Variants in AUTS2 observed in about 807,000 individuals in gnomAD.
The protein encoded by AUTS2 is activator of transcription and developmental regulator AUTS2.
Under a neutral mutation model 112.4 loss-of-function variants are expected in AUTS2, and 17 were observed. That is an observed-to-expected ratio of 0.15 (90% CI 0.10 to 0.23). The LOEUF (loss-of-function observed/expected upper bound fraction) is 0.23. Among genes scored for constraint, AUTS2 ranks in the 10% least tolerant of loss-of-function variants. AUTS2 has a pLI of 1.00. For missense variants in AUTS2, 1,510 were observed against 1,701.6 expected, an observed-to-expected ratio of 0.89 and a Z score of 1.98; for synonymous variants, 751 against 702.7, an observed-to-expected ratio of 1.07 and a Z score of -1.09.
At chr7:70,343,241 G>A (rs1011708173) in intron 4 of AUTS2, among the ~76,000 whole-genome samples, 1 of 152,212 alleles carries the variant, frequency 6.6e-6, no homozygotes, top group Non-Finnish European at 1.5e-5. Flanking sequence ...AAAGGGTAAA[G>A]TTAACAACCT....
chr7:69,756,012 C>T (rs1423418555), intron 1 of AUTS2, among the ~76,000 whole-genome samples: 5 of 152,220 alleles, frequency 3.3e-5, no homozygotes, highest in African/African-American at 4.8e-5. Flanking sequence ...AACCCCCTGC[C>T]ATCTACTGCT....
At chr7:70,037,888 G>A (rs1024781755) in intron 2 of AUTS2, among the ~76,000 whole-genome samples, 1 of 151,992 alleles carries the variant, frequency 6.6e-6, no homozygotes, top group East Asian at 1.9e-4. Context: ...CCTAATAAAT[G>A]TTAGGTATTA....
At chr7:69,676,773 A>G (rs1409918297) in intron 1 of AUTS2, among the ~76,000 whole-genome samples, 3 of 151,502 alleles carry the variant, frequency 2.0e-5, no homozygotes, top group Non-Finnish European at 4.4e-5. Context: ...CCTACCTGCC[A>G]GCCCTAAATT....
At chr7:69,855,954 T>G (rs1436433935) in intron 1 of AUTS2, among the ~76,000 whole-genome samples, 2 of 152,120 alleles carry the variant, frequency 1.3e-5, no homozygotes, top group Non-Finnish European at 2.9e-5. Context: ...GACTTCCATT[T>G]TTAAGAGTTA....
At chr7:70,068,230 T>G (rs549419134) in intron 2 of AUTS2, among the ~76,000 whole-genome samples, 1 of 149,456 alleles carries the variant, frequency 6.7e-6, no homozygotes, top group East Asian at 2.0e-4. Flanking sequence ...CAGGCTGGAG[T>G]GCAGTGGCGC....
intron 5 of AUTS2, among the ~76,000 whole-genome samples, chr7:70,649,004 C>A (rs543977544): frequency 8.9e-4 from 135 of 152,280 alleles, no homozygotes; most frequent in African/African-American, 3.1e-3. Flanking sequence ...GAGTTTAGAT[C>A]TGTTTTGAAA....
At chr7:69,965,010 C>T (rs1182781636) in intron 2 of AUTS2, among the ~76,000 whole-genome samples, 2 of 152,188 alleles carry the variant, frequency 1.3e-5, no homozygotes, top group African/African-American at 2.4e-5. Context: ...CCCATTTCCT[C>T]CCAGCAGCAT....
chr7:70,602,514 T>G (rs1403267452), intron 5 of AUTS2, among the ~76,000 whole-genome samples: 2 of 152,248 alleles, frequency 1.3e-5, no homozygotes, highest in African/African-American at 4.8e-5. Flanking sequence ...TCATGTTTTA[T>G]TTGGTGTTGC....
At chr7:70,427,605 A>G (rs996814394) in intron 4 of AUTS2, among the ~76,000 whole-genome samples, 3 of 152,218 alleles carry the variant, frequency 2.0e-5, no homozygotes, top group Admixed American at 1.3e-4. Flanking sequence ...AAAATATTAG[A>G]ATTTAATTTA....
Position 69,695,486 on chromosome 7 carries a change from G to A in AUTS2, c.309+95524G>A, listed in dbSNP as rs1317091960. On this transcript the variant is annotated intron_variant, in intron 1 of 18. Transcript: ENST00000342771. ...AAAATTATTAACTGTTTGAAAAATT[G>A]TAGTCAGATATTTGATTAGGGGTAG... Among the ~76,000 whole-genome samples the A allele has an allele frequency of 3.9e-5, 6 of 152,206 alleles. No individual in the cohort carries two copies. In the South Asian group the frequency reaches 8.3e-4, roughly 21 times the overall value.
At chr7:70,045,820 G>T (rs1286779231) in intron 2 of AUTS2, among the ~76,000 whole-genome samples, 1 of 142,782 alleles carries the variant, frequency 7.0e-6, no homozygotes, top group Non-Finnish European at 1.5e-5. Context: ...TAGAGATAGG[G>T]TTTCACCATG....
chr7:69,931,485 T>C (rs1212750038), intron 2 of AUTS2, among the ~76,000 whole-genome samples: 1 of 152,210 alleles, frequency 6.6e-6, no homozygotes, highest in African/African-American at 2.4e-5. Flanking sequence ...AACTATTGTT[T>C]TGCCATTGAT....
chr7:70,291,906 T>C (rs1434552955), intron 4 of AUTS2: 1 of 152,168 alleles, frequency 6.6e-6, no homozygotes, highest in Non-Finnish European at 1.5e-5. Flanking sequence ...CAGGACTGCA[T>C]AGATGAAGTA....
chr7:70,010,846 T>G (rs1365709343), intron 2 of AUTS2, among the ~76,000 whole-genome samples: 1 of 152,212 alleles, frequency 6.6e-6, no homozygotes, highest in Non-Finnish European at 1.5e-5. Flanking sequence ...TCTGTCATAC[T>G]TCACCTGGAC....
At chr7:70,681,842 C>T (rs1398783803) in intron 5 of AUTS2, among the ~76,000 whole-genome samples, 2 of 152,310 alleles carry the variant, frequency 1.3e-5, no homozygotes, top group Non-Finnish European at 1.5e-5. Flanking sequence ...TATGTTCCAA[C>T]TTAGTCCCAG....
intron 1 of AUTS2, among the ~76,000 whole-genome samples, chr7:69,636,039 G>T (rs1308940007): frequency 6.6e-6 from 1 of 152,188 alleles, no homozygotes; most frequent in African/African-American, 2.4e-5. Context: ...TTCATCTTTG[G>T]CAGAACACAA....
At chr7:70,353,276 A>G (rs1320275989) in intron 4 of AUTS2, among the ~76,000 whole-genome samples, 5 of 152,190 alleles carry the variant, frequency 3.3e-5, no homozygotes, top group African/African-American at 9.7e-5. Flanking sequence ...TATATTTGTT[A>G]TATCTCTTTT....
intron 4 of AUTS2, among the ~76,000 whole-genome samples, chr7:70,141,149 A>G (rs941216195): frequency 1.1e-4 from 16 of 152,214 alleles, no homozygotes; most frequent in African/African-American, 3.9e-4. Flanking sequence ...GGGGAGCAAC[A>G]AAGACAAGAA....
chr7:70,534,396 A>ATTTGTTTGTTTG (rs59524958), intron 5 of AUTS2, among the ~76,000 whole-genome samples: 8 of 148,032 alleles, frequency 5.4e-5, no homozygotes, highest in East Asian at 4.0e-4. Context: ...GGGAATATGA[A>ATTTGTTTGTTTG]TTTGTTTGTT....
Sources: allele counts gnomAD v4.1 joint callset (sites outside exome capture counted in the v4.1 genomes callset), GRCh38; gene constraint gnomAD v4.1.1; transcripts MANE v1.5; gene names NCBI Gene and HGNC (gene_info 2026-07-23, HGNC 2026-07-21).